The following ZNF208 variants were observed in gnomAD, a reference collection of about 807,000 sequenced individuals.
ZNF208 encodes the protein zinc finger protein 208.
A neutral mutation model predicts 12.1 loss-of-function variants in ZNF208; 10 were observed. The ratio of observed to expected loss-of-function variants is 0.83; its 90% CI spans 0.51 to 1.40. ZNF208 has a LOEUF of 1.40. Among genes scored for constraint, ZNF208 ranks in the 40% most tolerant of loss-of-function variants. The pLI is 0.00. For missense variants in ZNF208, 1,652 were observed against 1,485.0 expected (o/e 1.11, Z -1.85); for synonymous variants, 497 against 488.4 (o/e 1.02, Z -0.23).
At position 21,969,205 on chromosome 19, in the gene ZNF208, G is replaced by C. The variant is rs1310945848; in HGVS notation, c.*1986C>G. On this transcript the variant is annotated 3_prime_UTR_variant, in exon 4 of 4. Transcript: ENST00000397126. ...CCACTATGTTGGCAAGGCTGGTCTTGAACTCCTGACCTCAGGTGATCTGCC... is the reference window on the plus strand; with the variant it reads ...CCACTATGTTGGCAAGGCTGGTCTTCAACTCCTGACCTCAGGTGATCTGCC... 1.3e-5 allele frequency among the ~76,000 whole-genome samples: 2 copies of C among 151,716 alleles called. No homozygotes were observed. The highest frequency in any genetic ancestry group is 1.3e-4 in the Admixed American group (2 of 15,232).
chr19:21,972,302 T>A lies in ZNF208; in HGVS notation c.2732A>T (p.His911Leu). ...FSILTKHEVI[H>L]TGEKPYKCEE... is the part of the protein sequence containing the mutation. Reference sequence around the variant, plus strand: ...ACATTTGTAGGGTTTCTCTCCAGTATGAATTACCTCATGTTTAGTAAGGAT... The same window carrying A: ...ACATTTGTAGGGTTTCTCTCCAGTAAGAATTACCTCATGTTTAGTAAGGAT... Residue 911 changes from histidine to leucine, a missense_variant, in exon 4 of 4, where the codon CAT (histidine) becomes CTT (leucine). Transcript: ENST00000397126. 1 of 1,613,810 alleles carries A rather than the reference T, an allele frequency of 6.2e-7. No homozygotes were observed. The highest frequency in any genetic ancestry group is 8.5e-7 in the Non-Finnish European group (1 of 1,179,928).
In ZNF208 at chr19:22,006,053, C is replaced by G. The variant is rs529678095; in HGVS notation, c.3+4739G>C. 3.3e-5 allele frequency among the ~76,000 whole-genome samples: 5 copies of G among 152,198 alleles called. No homozygotes were observed. In the East Asian group the frequency reaches 5.8e-4, roughly 18 times the overall value. On this transcript the variant is annotated intron_variant, in intron 1 of 3. Transcript: ENST00000397126. Reference sequence around the variant, plus strand: ...CAACATAAAATACCTTTTAATCAAACTTAAGTTTATTTTCTTCCCACAGGC... The same window carrying G: ...CAACATAAAATACCTTTTAATCAAAGTTAAGTTTATTTTCTTCCCACAGGC...
chr19:21,991,071 T>G (rs1419903659), intron 1 of ZNF208, among the ~76,000 whole-genome samples: 2 of 152,224 alleles, frequency 1.3e-5, no homozygotes, highest in Non-Finnish European at 2.9e-5. Context: ...TTTGACTTCC[T>G]CTTTTCCTAA....
intron 1 of ZNF208, 97 bp from the exon 2 acceptor site, chr19:21,989,006 G>T: frequency 6.8e-7 from 1 of 1,480,090 alleles, no homozygotes; most frequent in South Asian, 1.3e-5. Flanking sequence ...AGCTGGTTCT[G>T]ACTTATAAGC....
chr19:21,960,653 T>C (rs1224601193), intron 4 of ZNF208, among the ~76,000 whole-genome samples: 1 of 152,174 alleles, frequency 6.6e-6, no homozygotes, highest in Admixed American at 6.5e-5. Flanking sequence ...TCACCCCACC[T>C]ATCCTGAATG....
intron 4 of ZNF208, among the ~76,000 whole-genome samples, chr19:21,952,325 G>A (rs191761699): frequency 4.1e-4 from 62 of 152,348 alleles, no homozygotes; most frequent in African/African-American, 1.3e-3. Context: ...TTTGAGCTCT[G>A]AGAATGGACA....
At chr19:21,993,999 T>TGATA (rs1242682392) in intron 1 of ZNF208, among the ~76,000 whole-genome samples, 1 of 152,212 alleles carries the variant, frequency 6.6e-6, no homozygotes, top group Non-Finnish European at 1.5e-5. Context: ...CCCTTTCAGT[T>TGATA]GATACTAAGT....
rs1970263048 is a variant in ZNF208, at chr19:21,970,726, G to C, written c.*465C>G. On this transcript the variant is annotated 3_prime_UTR_variant, in exon 4 of 4. Coordinates refer to ENST00000397126, the MANE Select transcript of ZNF208 (RefSeq NM_007153.3). ...TCCAGCATGAATTTTCTTATGTGTA[G>C]GAGGGTTGGGAACTGTTTAAAAGCT... The C allele has an allele frequency of 8.1e-7, 1 of 1,229,072 alleles. No individual in the cohort carries two copies. Among genetic ancestry groups the C allele is most frequent in the African/African-American group, 1.5e-5 (1 of 66,896 alleles). 76.1% of individuals were successfully genotyped at this position (1,229,072 alleles called of 1,614,324 possible). A position where few individuals can be genotyped will look rare whatever the true frequency, so the allele number is the denominator to read the frequency against.
At position 21,974,643 on chromosome 19, in the gene ZNF208, T is replaced by C. The variant is rs775775635; in HGVS notation, c.391A>G (p.Asn131Asp). ...GTTGTCAAACTCTGGTTAAGTTTAT[T>C]ATAACCTTCTTTGTGCACCTTACAC... is the stretch of plus-strand genomic sequence containing the variant. ...DECKVHKEGY[N>D]KLNQSLTTTQ... Residue 131 changes from asparagine (N) to aspartate (D), a missense_variant, in exon 4 of 4, where the codon AAT becomes GAT. Physicochemically the swap from Asn to Asp is conservative, Grantham distance 23. Coordinates refer to ENST00000397126, the MANE Select transcript of ZNF208 (RefSeq NM_007153.3). The C allele has an allele frequency of 1.4e-5, 23 of 1,613,672 alleles. No homozygotes were observed. The Admixed American group carries it at 2.2e-4, about 15-fold the overall frequency.
At chr19:21,987,102 G>T in intron 3 of ZNF208, 114 bp downstream of exon 3, 1 of 1,051,840 alleles carries the variant, frequency 9.5e-7, no homozygotes, top group Non-Finnish European at 1.3e-6. Flanking sequence ...ATAAAAATTA[G>T]TCTCTCCAGA....
downstream of ZNF208, among the ~76,000 whole-genome samples, chr19:21,961,639 CAGACACTCCCAGAGCGGCTGTTTAT>C: frequency 6.6e-6 from 1 of 152,164 alleles, no homozygotes; most frequent in East Asian, 1.9e-4. Flanking sequence ...TCACATAAGA[CAGACACTCCCAGAGCGGCTGTTTAT>C]AGACCTCCCC....
rs745963768 is a variant in ZNF208 at position 21,972,624 on chromosome 19, G to T, written c.2410C>A (p.Pro804Thr). The change falls in exon 4 of 4, where the codon CCC (proline) becomes ACC (threonine). Residue 804 changes from proline (P) to threonine (T), a missense_variant. By Grantham distance (38) the Pro-to-Thr change is conservative. This residue lies in a region of ZNF208 where 1,239 missense variants were observed against 1,086.2 expected (regional missense o/e 1.14). Coordinates refer to ENST00000397126, the MANE Select transcript of ZNF208 (RefSeq NM_007153.3). ...TTGCCACATTCTTCACATTTGTAGG[G>T]TTTCTCATCAGTATGAATTCTCTTA... The part of the protein sequence containing the change: ...KHKRIHTDEK[P>T]YKCEECGKTF... The T allele has an allele frequency of 6.2e-7, 1 of 1,613,214 alleles. No individual in the cohort carries two copies. The highest frequency in any genetic ancestry group is 1.1e-5 in the South Asian group (1 of 91,010).
At chr19:21,994,954 CTTT>C (rs71178799) in intron 1 of ZNF208, among the ~76,000 whole-genome samples, 1 of 144,682 alleles carries the variant, frequency 6.9e-6, no homozygotes, top group Non-Finnish European at 1.5e-5. Context: ...TTTTTCTTTT[CTTT>C]TTTTTTTTTT....
rs138811609 is a variant in ZNF208, at chr19:21,955,821, C to A, written c.305+18908G>T. Reference sequence around the variant, plus strand: ...GTTTGTTATTACCAATCGTCTGAAGCCTTCTTCTCTCAACTCGTCAAAGTC... The same window carrying A: ...GTTTGTTATTACCAATCGTCTGAAGACTTCTTCTCTCAACTCGTCAAAGTC... On this transcript the variant is annotated intron_variant, in intron 4 of 4. Transcript: ENST00000599916. Among the ~76,000 whole-genome samples, 909 of 152,290 alleles carry A rather than the reference C, an allele frequency of 6.0e-3. 11 individuals carry two copies. The highest frequency in any genetic ancestry group is 0.021 in the African/African-American group (879 of 41,554).
At chr19:21,962,982 C>T (rs1432997475), downstream of ZNF208, among the ~76,000 whole-genome samples, 2 of 152,008 alleles carry the variant, frequency 1.3e-5, no homozygotes, top group South Asian at 2.1e-4. Context: ...GGTTATAAAA[C>T]ATCAAATGCT....
rs375896129 is a variant in ZNF208 at position 21,972,633 on chromosome 19, C to A, written c.2401G>T (p.Asp801Tyr). Residue 801 changes from aspartate (D) to tyrosine (Y), a missense_variant, in exon 4 of 4, where the codon GAT becomes TAT. By Grantham distance (160) the Asp-to-Tyr change is radical. Coordinates refer to ENST00000397126, the MANE Select transcript of ZNF208 (RefSeq NM_007153.3). Reference protein sequence around the residue: ...ILIKHKRIHTDEKPYKCEECG... With the variant: ...ILIKHKRIHTYEKPYKCEECG... ...TCTTCACATTTGTAGGGTTTCTCAT[C>A]AGTATGAATTCTCTTATGTTTAATA... 21 of 1,613,074 alleles carry A rather than the reference C, an allele frequency of 1.3e-5. 1 individual carries two copies. In the African/African-American group the frequency reaches 2.4e-4, roughly 18 times the overall value.
At chr19:21,957,698 C>T (rs2145523761) in intron 4 of ZNF208, among the ~76,000 whole-genome samples, 1 of 152,184 alleles carries the variant, frequency 6.6e-6, no homozygotes, top group Middle Eastern at 3.4e-3. Context: ...CCATCAAAGC[C>T]TATCAAAAAG....
chr19:21,983,326 A>G (rs901822415), intron 3 of ZNF208, among the ~76,000 whole-genome samples: 5 of 151,586 alleles, frequency 3.3e-5, no homozygotes, highest in African/African-American at 1.2e-4. Context: ...TGCCAGTTAG[A>G]ACGGCGATCA....
intron 3 of ZNF208, among the ~76,000 whole-genome samples, chr19:21,979,744 T>G (rs1970501387): frequency 6.6e-6 from 1 of 152,112 alleles, no homozygotes; most frequent in South Asian, 2.1e-4. Context: ...TAACCTTAAA[T>G]GTAAACAGGC....
Sources: allele counts gnomAD v4.1 joint callset (sites outside exome capture counted in the v4.1 genomes callset), GRCh38; gene constraint gnomAD v4.1.1; regional missense constraint gnomAD v4.1.1; transcripts MANE v1.5; gene names NCBI Gene and HGNC (gene_info 2026-07-23, HGNC 2026-07-21).